The following ZBTB32 variants were observed in gnomAD, a reference collection of about 807,000 sequenced individuals.
ZBTB32 encodes zinc finger and BTB domain-containing protein 32.
In ZBTB32, 28 loss-of-function variants were observed where a neutral mutation model predicts 45.3. The ratio of observed to expected loss-of-function variants is 0.62; its 90% CI spans 0.46 to 0.85. The LOEUF (loss-of-function observed/expected upper bound fraction) is 0.85. Among genes scored for constraint, ZBTB32 ranks in the 40% least tolerant of loss-of-function variants. ZBTB32 has a pLI of 0.00. For synonymous variants in ZBTB32, 283 were observed against 255.7 expected (o/e 1.11, Z -1.02); for missense variants, 587 against 624.4 (o/e 0.94, Z 0.64).
chr19:35,709,242 C>T (rs1207486660), intron 1 of ZBTB32, among the ~76,000 whole-genome samples: 1 of 152,038 alleles, frequency 6.6e-6, no homozygotes, highest in African/African-American at 2.4e-5. Context: ...GGAAGAGTGG[C>T]GAGTTCACAG....
intron 1 of ZBTB32, among the ~76,000 whole-genome samples, chr19:35,705,676 G>A (rs1006478645): frequency 6.6e-6 from 1 of 152,000 alleles, no homozygotes; most frequent in Non-Finnish European, 1.5e-5. Context: ...ACTTTGGGAG[G>A]CTGAGGTGGG....
intron 1 of ZBTB32, among the ~76,000 whole-genome samples, chr19:35,709,433 G>A (rs1254688159): frequency 2.0e-5 from 3 of 152,148 alleles, no homozygotes; most frequent in African/African-American, 7.2e-5. Context: ...TTGCTGTGTT[G>A]ACATTGTTAC....
At chr19:35,707,453 T>C (rs62109452) in intron 1 of ZBTB32, among the ~76,000 whole-genome samples, 24,263 of 145,242 alleles carry the variant, frequency 0.17, 2,094 homozygotes, top group Middle Eastern at 0.3. Context: ...CACTGCAACC[T>C]CCGCCTCCCG....
In ZBTB32 at chr19:35,715,461, A is replaced by G. The variant is rs1968844429; in HGVS notation, c.835A>G (p.Ser279Gly). ...PPRYGIPFYH[S>G]TPTTGAWQEV... ...CAGATATGGCATTCCCTTCTACCATAGCACCCCCACCACTGGAGCCTGGCA... is the reference window on the plus strand; with the variant it reads ...CAGATATGGCATTCCCTTCTACCATGGCACCCCCACCACTGGAGCCTGGCA... The change falls in exon 3 of 7, where the codon AGC (serine) becomes GGC (glycine). Residue 279 changes from serine (S) to glycine (G), a missense_variant. Transcript: ENST00000392197. The G allele has an allele frequency of 2.5e-6, 4 of 1,574,692 alleles. No homozygotes were observed. The highest frequency in any genetic ancestry group is 2.7e-5 in the African/African-American group (2 of 73,368).
Position 35,716,028 on chromosome 19 carries a change from C to A in ZBTB32, c.1024+21C>A, listed in dbSNP as rs377413841. On this transcript the variant is annotated intron_variant, in intron 5 of 6. Transcript: ENST00000392197. The stretch of plus-strand genomic sequence containing the variant: ...CACAGGTGAGTCGGGCGGGGGCACT[C>A]GTGCCTCAGCCCCACTGTAGCCCTT... 29 of 1,610,872 alleles carry A rather than the reference C, an allele frequency of 1.8e-5. No individual in the cohort carries two copies. The African/African-American group carries it at 2.8e-4, about 16-fold the overall frequency.
chr19:35,716,411 C>T (rs930706032), intron 6 of ZBTB32, 67 bp from the exon 7 acceptor site: 14 of 1,585,400 alleles, frequency 8.8e-6, no homozygotes, highest in Admixed American at 1.7e-5. Flanking sequence ...CCCGATCCAC[C>T]CCTAACTTGG....
intron 1 of ZBTB32, among the ~76,000 whole-genome samples, chr19:35,710,538 G>A (rs1409293988): frequency 1.3e-5 from 2 of 151,978 alleles, no homozygotes; most frequent in Non-Finnish European, 2.9e-5. Context: ...GATCACCTGA[G>A]GTTAGGAGTT....
intron 2 of ZBTB32, 147 bp from the exon 3 acceptor site, chr19:35,714,376 C>T (rs1968793225): frequency 1.1e-5 from 4 of 377,568 alleles, no homozygotes; most frequent in Non-Finnish European, 1.9e-5. Flanking sequence ...TGAATTTGGT[C>T]TGATTTCCAT....
chr19:35,716,431 G>A, intron 6 of ZBTB32, 47 bp from the exon 7 acceptor site: 1 of 1,585,820 alleles, frequency 6.3e-7, no homozygotes, highest in Non-Finnish European at 8.6e-7. Context: ...GCCAGCTTTC[G>A]CCGCCTTCTT....
At chr19:35,705,636 G>T (rs747770908) in intron 1 of ZBTB32, among the ~76,000 whole-genome samples, 2 of 152,272 alleles carry the variant, frequency 1.3e-5, no homozygotes, top group Non-Finnish European at 2.9e-5. Context: ...TGGGTGGCCA[G>T]GCGTGGTGGC....
rs746252543 is a variant in ZBTB32 at position 35,715,404 on chromosome 19, C to G, written c.778C>G (p.Pro260Ala). The G allele has an allele frequency of 6.2e-7, 1 of 1,611,252 alleles. No individual in the cohort carries two copies. Residue 260 changes from proline (P) to alanine (A), a missense_variant, in exon 3 of 7, where the codon CCT (proline) becomes GCT (alanine). By Grantham distance (27) the Pro-to-Ala change is conservative. Transcript: ENST00000392197. ...GGCCCCTTGGTTGGTGGGGGGCCAG[C>G]CTGCCCTGTGGAGCATCCTGCTGAT... ...AEAPWLVGGQ[P>A]ALWSILLMPP...
intron 1 of ZBTB32, among the ~76,000 whole-genome samples, chr19:35,709,919 C>T (rs956231174): frequency 1.5e-4 from 23 of 150,260 alleles, no homozygotes; most frequent in African/African-American, 5.4e-4. Flanking sequence ...TTCAGTAATA[C>T]GAGTATTAGG....
intron 1 of ZBTB32, among the ~76,000 whole-genome samples, chr19:35,711,263 G>C (rs1464750172): frequency 6.6e-6 from 1 of 152,180 alleles, no homozygotes; most frequent in African/African-American, 2.4e-5. Context: ...CCTGGGGCTA[G>C]TCCCTCAGGG....
rs143051713 is a variant in ZBTB32, at chr19:35,715,433, G to A, written c.807G>A (p.Pro269=). The part of the protein sequence containing the change: ...QPALWSILLM[P]PRYGIPFYHS... ...CCCTGTGGAGCATCCTGCTGATGCC[G>A]CCCAGATATGGCATTCCCTTCTACC... The change falls in exon 3 of 7, where the codon CCG becomes CCA. Residue 269 remains proline, a synonymous_variant. Coordinates refer to ENST00000392197, the MANE Select transcript of ZBTB32 (RefSeq NM_014383.3). The A allele has an allele frequency of 4.2e-5, 67 of 1,596,076 alleles. No homozygotes were observed. Among genetic ancestry groups the A allele is most frequent in the African/African-American group, 8.1e-5 (6 of 73,780 alleles).
In ZBTB32 at chr19:35,716,668, C is replaced by T. The variant is rs755053079; in HGVS notation, c.1380C>T (p.Thr460=). The change falls in exon 7 of 7, where the codon ACC becomes ACT. Residue 460 remains threonine (T), a synonymous_variant. Coordinates refer to ENST00000392197, the MANE Select transcript of ZBTB32 (RefSeq NM_014383.3). ...HSPSQLPPGW[T]IRSTFLYSSS... is the part of the protein sequence containing the mutation. ...CCAGCCAACTCCCGCCCGGATGGAC[C>T]ATCCGCTCCACCTTCCTCTACTCCT... The T allele has an allele frequency of 1.2e-6, 2 of 1,613,948 alleles. No homozygotes were observed. Among genetic ancestry groups the T allele is most frequent in the Middle Eastern group, 1.6e-4 (1 of 6,084 alleles).
intron 1 of ZBTB32, among the ~76,000 whole-genome samples, chr19:35,706,004 G>A (rs1016051979): frequency 1.3e-5 from 2 of 151,634 alleles, no homozygotes; most frequent in Non-Finnish European, 2.9e-5. Context: ...CAAGGCGGGC[G>A]GATTACCTGA....
rs577990521 is a variant in ZBTB32 at position 35,709,772 on chromosome 19, G to A, written c.-221-3145G>A. On this transcript the variant is annotated intron_variant, in intron 1 of 6. Transcript: ENST00000392197. ...TGCACACCTGTGATCCCAGCTACTC[G>A]GGAGGCTGAGGCAGGAGAATCACTT... Among the ~76,000 whole-genome samples the A allele has an allele frequency of 1.1e-4, 17 of 152,020 alleles. No individual in the cohort carries two copies. In the South Asian group the frequency reaches 2.1e-3, roughly 19 times the overall value.
At chr19:35,705,358 T>A (rs1968513212) in intron 1 of ZBTB32, among the ~76,000 whole-genome samples, 1 of 151,842 alleles carries the variant, frequency 6.6e-6, no homozygotes, top group Non-Finnish European at 1.5e-5. Context: ...ATGTAGGAAG[T>A]CACTGGCCAA....
chr19:35,708,792 G>A lies in ZBTB32; in HGVS notation c.-221-4125G>A, dbSNP rs953602086. On this transcript the variant is annotated intron_variant, in intron 1 of 6. Transcript: ENST00000392197. ...CTTGGATGTACTTAACCAGAAAGAC[G>A]GAACATCTTTTTTTTCTTTTTTCTT... Among the ~76,000 whole-genome samples, 5 of 152,010 alleles carry A rather than the reference G, an allele frequency of 3.3e-5. No individual in the cohort carries two copies. The East Asian group carries it at 5.8e-4, about 18-fold the overall frequency.
Sources: gnomAD v4.1 joint callset for allele counts (sites outside exome capture counted in the v4.1 genomes callset) on GRCh38, gnomAD v4.1.1 for gene constraint, MANE v1.5 for transcripts, NCBI Gene and HGNC (gene_info 2026-07-23, HGNC 2026-07-21) for gene names.